RSPH14: variants seen among roughly 807,000 people sequenced by gnomAD.
RSPH14 encodes rhabdoid tumor deletion region gene 1.
In RSPH14, 20 loss-of-function variants were observed where a neutral mutation model predicts 26.7. That is an observed-to-expected ratio of 0.75 (90% CI 0.53 to 1.09). RSPH14 has a LOEUF of 1.09. RSPH14 is among the 50% of genes least tolerant of loss of function. The pLI, the probability that RSPH14 is intolerant of heterozygous loss-of-function variation, is 0.00. For missense variants in RSPH14, 449 were observed against 457.2 expected (o/e 0.98, Z 0.16); for synonymous variants, 177 against 189.3 (o/e 0.93, Z 0.53).
chr22:23,119,753 G>A (rs900629019), intron 4 of RSPH14, among the ~76,000 whole-genome samples: 4 of 152,346 alleles, frequency 2.6e-5, no homozygotes, highest in South Asian at 2.1e-4. Flanking sequence ...GTCTGAGCCC[G>A]GAAGTGAGGT....
In RSPH14 at chr22:23,061,860, C is replaced by T. The variant is rs191338653; in HGVS notation, c.739G>A (p.Val247Met). ...VHLLKDPVEH[V>M]KSNAAGALMF... ...AGGGCACCGGCAGCGTTAGACTTCA[C>T]ATGCTCCACTGGGTCTTTCAGCAGA... Residue 247 changes from valine (V) to methionine (M), a missense_variant, in exon 6 of 7, where the codon GTG becomes ATG. Physicochemically the swap from Val to Met is conservative, Grantham distance 21 (BLOSUM62 1). Transcript: ENST00000216036. 402 of 1,614,168 alleles carry T rather than the reference C, an allele frequency of 2.5e-4. No homozygotes were observed. Among genetic ancestry groups the T allele is most frequent in the Admixed American group, 3.7e-4 (22 of 60,032 alleles).
intron 4 of RSPH14, among the ~76,000 whole-genome samples, chr22:23,077,038 T>A (rs1379923947): frequency 6.6e-6 from 1 of 152,216 alleles, no homozygotes; most frequent in Non-Finnish European, 1.5e-5. Context: ...CATGCTGTGC[T>A]GAAGAGGATT....
chr22:23,076,396 C>T (rs1396842696), intron 4 of RSPH14, among the ~76,000 whole-genome samples: 1 of 152,180 alleles, frequency 6.6e-6, no homozygotes, highest in Admixed American at 6.5e-5. Flanking sequence ...CCTGTCCAGC[C>T]CCTTTTGCCC....
intron 6 of RSPH14, among the ~76,000 whole-genome samples, chr22:23,060,165 C>G (rs2068062511): frequency 6.6e-6 from 1 of 152,104 alleles, no homozygotes; most frequent in South Asian, 2.1e-4. Flanking sequence ...CACTGAGACA[C>G]TGGCTCTTTA....
intron 5 of RSPH14, among the ~76,000 whole-genome samples, chr22:23,062,820 G>A (rs932253934): frequency 7.9e-5 from 12 of 152,304 alleles, no homozygotes; most frequent in Admixed American, 3.9e-4. Flanking sequence ...AGACAAGAGC[G>A]ATGCAGGGAT....
the RSPH14 span, among the ~76,000 whole-genome samples, chr22:23,176,225 T>G: frequency 6.6e-6 from 1 of 152,206 alleles, no homozygotes; most frequent in Non-Finnish European, 1.5e-5. Flanking sequence ...GTCATCCCCA[T>G]GAGCTGGCCT....
intron 4 of RSPH14, among the ~76,000 whole-genome samples, chr22:23,104,980 T>C (rs2069420323): frequency 6.6e-6 from 1 of 152,220 alleles, no homozygotes; most frequent in African/African-American, 2.4e-5. Flanking sequence ...GTCTGGATAG[T>C]GGACAAGCTT....
chr22:23,097,185 G>A (rs904949392), intron 4 of RSPH14, among the ~76,000 whole-genome samples: 1 of 152,182 alleles, frequency 6.6e-6, no homozygotes, highest in African/African-American at 2.4e-5. Context: ...ATGGGGGAGT[G>A]GGGGCAAACA....
the RSPH14 span, among the ~76,000 whole-genome samples, chr22:23,169,258 A>G: frequency 6.6e-6 from 1 of 152,182 alleles, no homozygotes. Context: ...TGGGGGCAGG[A>G]ATAAAGGACA....
chr22:23,101,538 C>T (rs1471575343), intron 4 of RSPH14, among the ~76,000 whole-genome samples: 1 of 152,164 alleles, frequency 6.6e-6, no homozygotes, highest in Non-Finnish European at 1.5e-5. Flanking sequence ...ACAGGGAGCC[C>T]TAGCAGAACA....
chr22:23,065,705 T>C (rs910167027), intron 4 of RSPH14, among the ~76,000 whole-genome samples: 6 of 152,174 alleles, frequency 3.9e-5, no homozygotes, highest in Admixed American at 3.3e-4. Flanking sequence ...CCACGTGCTG[T>C]GGATTTCTTC....
chr22:23,064,928 C>T (rs1006904030), intron 4 of RSPH14, among the ~76,000 whole-genome samples: 2 of 152,146 alleles, frequency 1.3e-5, no homozygotes, highest in African/African-American at 2.4e-5. Context: ...GAGCCCAGGA[C>T]GGTGGGCAGA....
the RSPH14 span, among the ~76,000 whole-genome samples, chr22:23,155,388 C>A: frequency 6.6e-6 from 1 of 152,174 alleles, no homozygotes; most frequent in Non-Finnish European, 1.5e-5. Context: ...TTCCATGGAG[C>A]CAGGGCTTTG....
At chr22:23,160,064 C>T in the RSPH14 span, among the ~76,000 whole-genome samples, 1 of 152,122 alleles carries the variant, frequency 6.6e-6, no homozygotes, top group Admixed American at 6.6e-5. Context: ...ATAATAGGCC[C>T]CCAAGGCTCT....
chr22:23,166,561 G>T, the RSPH14 span, among the ~76,000 whole-genome samples: 1 of 152,174 alleles, frequency 6.6e-6, no homozygotes, highest in South Asian at 2.1e-4. Context: ...GCTGGGTCAG[G>T]TTGCCCTTGA....
At chr22:23,100,667 C>G (rs545284674) in intron 4 of RSPH14, among the ~76,000 whole-genome samples, 1 of 152,262 alleles carries the variant, frequency 6.6e-6, no homozygotes, top group Admixed American at 6.5e-5. Context: ...CCACCCGGCA[C>G]AGCCTGTGCT....
At chr22:23,134,596 G>C (rs1180803029) in intron 3 of RSPH14, among the ~76,000 whole-genome samples, 2 of 150,888 alleles carry the variant, frequency 1.3e-5, no homozygotes, top group African/African-American at 4.9e-5. Flanking sequence ...TGGGCGCAGT[G>C]GCTCACACTT....
At chr22:23,139,006 C>A in intron 2 of RSPH14, 64 bp from the exon 3 acceptor site, 2 of 1,374,896 alleles carry the variant, frequency 1.5e-6, no homozygotes, top group Non-Finnish European at 9.9e-7. Context: ...AGAAACCAAC[C>A]AACCCAGAAG....
Position 23,062,038 on chromosome 22 carries a change from T to C in RSPH14, c.654-93A>G, listed in dbSNP as rs940960490. Reference sequence around the variant, plus strand: ...CCCCAGGGAGACACAAAAGAAATAATTGTGTGGGGGCTACCCCAGGTAGTC... The same window carrying C: ...CCCCAGGGAGACACAAAAGAAATAACTGTGTGGGGGCTACCCCAGGTAGTC... On this transcript the variant is annotated intron_variant, in intron 5 of 6. Transcript: ENST00000216036. 61 of 1,480,834 alleles carry C rather than the reference T, an allele frequency of 4.1e-5. No individual in the cohort carries two copies. The African/African-American group carries it at 7.8e-4, about 19-fold the overall frequency. The allele number at this position is 1,480,834 out of a possible 1,614,324, so 91.7% of individuals were successfully genotyped here.
Sources: allele counts gnomAD v4.1 joint callset (sites outside exome capture counted in the v4.1 genomes callset), GRCh38; gene constraint gnomAD v4.1.1; transcripts MANE v1.5; gene names NCBI Gene and HGNC (gene_info 2026-07-23, HGNC 2026-07-21).